Variants in MYH10 observed in about 807,000 individuals in gnomAD.
MYH10 encodes the protein myosin heavy chain 10.
Under a neutral mutation model 257.8 loss-of-function variants are expected in MYH10, and 55 were observed. The ratio of observed to expected loss-of-function variants is 0.21; its 90% CI spans 0.17 to 0.27. MYH10 has a LOEUF of 0.27. Among genes scored for constraint, MYH10 ranks in the 10% least tolerant of loss-of-function variants. The pLI is 1.00. For missense variants in MYH10, 1,631 were observed against 2,500.6 expected (o/e 0.65, Z 7.42); for synonymous variants, 854 against 921.7 (o/e 0.93, Z 1.33).
chr17:8,524,731 T>C (rs1332959189), intron 17 of MYH10, among the ~76,000 whole-genome samples: 1 of 152,198 alleles, frequency 6.6e-6, no homozygotes, highest in Admixed American at 6.5e-5. Context: ...ACATGTTTCC[T>C]TCATTTACAC....
intron 2 of MYH10, among the ~76,000 whole-genome samples, chr17:8,619,205 C>T (rs957497665): frequency 6.6e-6 from 1 of 152,120 alleles, no homozygotes; most frequent in Non-Finnish European, 1.5e-5. Context: ...TTAATAAAAT[C>T]AATTATTTTT....
intron 34 of MYH10, 85 bp downstream of exon 34, chr17:8,492,212 T>A: frequency 1.5e-6 from 2 of 1,358,842 alleles, no homozygotes; most frequent in Non-Finnish European, 2.0e-6. Flanking sequence ...CAGGCTCCCC[T>A]GAGGAGTCGC....
chr17:8,609,211 G>A (rs756224923), intron 2 of MYH10, among the ~76,000 whole-genome samples: 1 of 152,144 alleles, frequency 6.6e-6, no homozygotes, highest in Non-Finnish European at 1.5e-5. Flanking sequence ...AGAGAAACAG[G>A]AAGTGTAGGC....
chr17:8,612,955 T>G (rs1036084005), intron 2 of MYH10, among the ~76,000 whole-genome samples: 5 of 152,182 alleles, frequency 3.3e-5, no homozygotes, highest in Admixed American at 1.3e-4. Context: ...ACTGGGGATC[T>G]TAGAATGTAT....
chr17:8,506,588 T>C lies in MYH10; in HGVS notation c.3215-99A>G, dbSNP rs2081080284. 3.0e-6 allele frequency: 4 copies of C among 1,311,950 alleles called. No individual in the cohort carries two copies. 81.3% of individuals were successfully genotyped at this position (1,311,950 alleles called of 1,614,324 possible). On this transcript the variant is annotated intron_variant, in intron 26 of 42. Coordinates refer to ENST00000360416, the MANE Select transcript of MYH10 (RefSeq NM_001256012.3). This position sits in a 1 kb window ranked among gnomAD's most constrained non-coding sequence, Gnocchi z 5.0. The stretch of plus-strand genomic sequence containing the variant: ...GATCCAAGTTGAAAATAAGCCATTT[T>C]ATTCAAAAGCATGTCACTGCCCTGA...
intron 7 of MYH10, among the ~76,000 whole-genome samples, chr17:8,562,088 A>AT (rs2083017377): frequency 6.6e-6 from 1 of 152,270 alleles, no homozygotes; most frequent in African/African-American, 2.4e-5. Flanking sequence ...GAAGTTGAAA[A>AT]TTATCAACTT....
intron 34 of MYH10, among the ~76,000 whole-genome samples, chr17:8,491,182 GT>G (rs796154839): frequency 2.6e-5 from 4 of 152,186 alleles, no homozygotes; most frequent in African/African-American, 9.6e-5. Context: ...CCCCTCTGGG[GT>G]CCAGGACCAC....
intron 9 of MYH10, among the ~76,000 whole-genome samples, chr17:8,549,593 T>C (rs1311002642): frequency 6.6e-6 from 1 of 152,246 alleles, no homozygotes; most frequent in Admixed American, 6.5e-5. Context: ...CAGGTCACCC[T>C]GTCCCGTTAT....
chr17:8,553,999 T>C lies in MYH10; in HGVS notation c.776A>G (p.Asn259Ser). Residue 259 changes from asparagine to serine, a missense_variant, in exon 8 of 43, where the codon AAC becomes AGC. Transcript: ENST00000360416. ...AACGATATAGCCAGTTACATCAAAGTTGATCCGAATAAATTTGCCCTGAAA... is the reference window on the plus strand; with the variant it reads ...AACGATATAGCCAGTTACATCAAAGCTGATCCGAATAAATTTGCCCTGAAA... ...SSRFGKFIRINFDVTGYIVGA... is the reference protein window; with the variant it reads ...SSRFGKFIRISFDVTGYIVGA... The C allele has an allele frequency of 1.2e-6, 2 of 1,613,274 alleles. No homozygotes were observed. The highest frequency in any genetic ancestry group is 1.7e-6 in the Non-Finnish European group (2 of 1,179,520).
At chr17:8,574,607 G>T (rs1050848009) in intron 6 of MYH10, among the ~76,000 whole-genome samples, 1 of 152,218 alleles carries the variant, frequency 6.6e-6, no homozygotes, top group African/African-American at 2.4e-5. Context: ...AAAATCAGGA[G>T]CCTAGAAATG....
rs1450522911 is a variant in MYH10 at position 8,506,248 on chromosome 17, C to T, written c.3386+70G>A. 6.1e-6 allele frequency: 9 copies of T among 1,473,660 alleles called. No homozygotes were observed. The highest frequency in any genetic ancestry group is 4.4e-5 in the South Asian group (3 of 68,270). The allele number at this position is 1,473,660 out of a possible 1,614,324, so 91.3% of individuals were successfully genotyped here. Reference sequence around the variant, plus strand: ...CTCTCCCAGGGTTTTTGAATGCTCCCGAACATAACAAAGTCTGCTGAAACT... The same window carrying T: ...CTCTCCCAGGGTTTTTGAATGCTCCTGAACATAACAAAGTCTGCTGAAACT... On this transcript the variant is annotated intron_variant, in intron 27 of 42. Transcript: ENST00000360416. The surrounding 1 kb of genome is among the most constrained non-coding windows in gnomAD (Gnocchi z 5.0).
At chr17:8,601,707 G>A (rs574627983) in intron 3 of MYH10, among the ~76,000 whole-genome samples, 13 of 152,082 alleles carry the variant, frequency 8.5e-5, no homozygotes, top group Admixed American at 5.2e-4. Context: ...TCAAGTTTAC[G>A]TCTAAGAACT....
chr17:8,601,815 T>A (rs896811014), intron 3 of MYH10, among the ~76,000 whole-genome samples: 6 of 152,044 alleles, frequency 3.9e-5, no homozygotes, highest in East Asian at 3.8e-4. Flanking sequence ...AAATCCAATT[T>A]AAAAAAAATT....
rs1224181552 is a variant in MYH10 at position 8,521,227 on chromosome 17, G to A, written c.2016C>T (p.Ser672=). The part of the protein sequence containing the change: ...VTGMTETAFG[S]AYKTKKGMFR... ...ACATGCCCTTCTTGGTTTTATATGC[G>A]GAGCCAAAAGCTGTCTCAGTCATAC... The change falls in exon 18 of 43, where the codon TCC becomes TCT. Residue 672 remains serine, a synonymous_variant. Coordinates refer to ENST00000360416, the MANE Select transcript of MYH10 (RefSeq NM_001256012.3). 16 of 1,613,992 alleles carry A rather than the reference G, an allele frequency of 9.9e-6. No homozygotes were observed. Among genetic ancestry groups the A allele is most frequent in the South Asian group, 2.2e-5 (2 of 91,084 alleles).
intron 17 of MYH10, among the ~76,000 whole-genome samples, chr17:8,529,032 C>G (rs1487640754): frequency 6.6e-6 from 1 of 152,162 alleles, no homozygotes; most frequent in African/African-American, 2.4e-5. Flanking sequence ...AATGAGCCAC[C>G]CCGCTGCTCA....
chr17:8,481,922 G>T (rs976574406), intron 37 of MYH10, among the ~76,000 whole-genome samples: 1 of 152,188 alleles, frequency 6.6e-6, no homozygotes, highest in African/African-American at 2.4e-5. Context: ...CTCCGCAGGG[G>T]CTCAAGTGTT....
chr17:8,562,516 T>C (rs1246383602), intron 7 of MYH10, among the ~76,000 whole-genome samples: 3 of 152,262 alleles, frequency 2.0e-5, no homozygotes, highest in Admixed American at 2.0e-4. Flanking sequence ...CTTTAAACAT[T>C]ATGTGAAGAA....
intron 26 of MYH10, among the ~76,000 whole-genome samples, chr17:8,507,726 C>T (rs1322830668): frequency 6.6e-6 from 1 of 152,216 alleles, no homozygotes; most frequent in Non-Finnish European, 1.5e-5. Flanking sequence ...AATCCCAGCA[C>T]TCTGGGAGGC....
chr17:8,609,224 G>C (rs577351718), intron 2 of MYH10, among the ~76,000 whole-genome samples: 5 of 152,064 alleles, frequency 3.3e-5, no homozygotes, highest in South Asian at 2.1e-4. Flanking sequence ...GTGTAGGCTG[G>C]TGCAAATGTC....
Sources: allele counts gnomAD v4.1 joint callset (sites outside exome capture counted in the v4.1 genomes callset), GRCh38; gene constraint gnomAD v4.1.1; non-coding constraint Gnocchi (gnomAD v3.1); transcripts MANE v1.5; gene names NCBI Gene and HGNC (gene_info 2026-07-23, HGNC 2026-07-21).